Variants in CHI3L1 observed in about 807,000 individuals in gnomAD.
CHI3L1 encodes the protein chitinase 3 like 1.
CHI3L1 carries 30 observed loss-of-function variants against 40.7 expected under a neutral mutation model. The ratio of observed to expected loss-of-function variants is 0.74; its 90% confidence interval spans 0.55 to 1.00. CHI3L1 has a LOEUF of 1.00. Ranked by LOEUF, CHI3L1 falls within the 50% of genes least tolerant of loss-of-function variation. The probability of loss-of-function intolerance (pLI) is 0.00; values close to 1 mark genes in which losing one functional copy is unlikely to be tolerated. For synonymous variants in CHI3L1, 210 were observed against 192.1 expected (o/e 1.09, Z -0.77); for missense variants, 493 against 492.2 (o/e 1.00, Z -0.01).
intron 1 of CHI3L1, 103 bp downstream of exon 1, chr1:203,186,496 G>T: frequency 6.6e-7 from 1 of 1,524,652 alleles, no homozygotes; most frequent in Non-Finnish European, 9.0e-7. Context: ...CTCCCCCTCT[G>T]CCCACTCCCT....
Position 203,184,394 on chromosome 1 carries a change from G to A in CHI3L1, c.314+182C>T, listed in dbSNP as rs970050267. 2.6e-5 allele frequency among the ~76,000 whole-genome samples: 4 copies of A among 152,146 alleles called. 1 individual carries two copies. In the South Asian group the frequency reaches 6.2e-4, roughly 24 times the overall value. Reference sequence around the variant, plus strand: ...TGCTGTGTGACTCTTGGCAAGTCCTGCTCTCTCTCTGGGCTCTGCTTTCTT... The same window carrying A: ...TGCTGTGTGACTCTTGGCAAGTCCTACTCTCTCTCTGGGCTCTGCTTTCTT... On this transcript the variant is annotated intron_variant, in intron 4 of 9. Transcript: ENST00000255409.
At position 203,179,419 on chromosome 1, in the gene CHI3L1, C is replaced by A; in HGVS notation, c.*26G>T. 2.0e-6 allele frequency: 3 copies of A among 1,511,764 alleles called. No individual in the cohort carries two copies. In the African/African-American group the frequency reaches 4.2e-5, roughly 21 times the overall value. The allele number at this position is 1,511,764 out of a possible 1,614,324, so 93.6% of individuals were successfully genotyped here. ...CAGAGGGGGACGGGGCATCCTTGGC[C>A]CCCGTGCTGTGTGCAGAACAGAGGG... On this transcript the variant is annotated 3_prime_UTR_variant, in exon 10 of 10. Coordinates refer to ENST00000255409, the MANE Select transcript of CHI3L1 (RefSeq NM_001276.4).
Position 203,182,717 on chromosome 1 carries a change from G to A in CHI3L1, c.587+14C>T. ...CAGAGGTTCTGGGGAGGCTGCCTGG[G>A]GCAGGAGACTCACTGGGATATCTTG... is the stretch of plus-strand genomic sequence containing the variant. On this transcript the variant is annotated intron_variant, in intron 6 of 9. Coordinates refer to ENST00000255409, the MANE Select transcript of CHI3L1 (RefSeq NM_001276.4). 1.2e-6 allele frequency: 2 copies of A among 1,613,818 alleles called. No individual in the cohort carries two copies. The highest frequency in any genetic ancestry group is 1.3e-5 in the African/African-American group (1 of 75,036).
intron 2 of CHI3L1, among the ~76,000 whole-genome samples, chr1:203,185,988 C>T (rs1369964796): frequency 1.3e-5 from 2 of 152,150 alleles, no homozygotes. Context: ...TCTGTTTCTC[C>T]TGCTGCAAAC....
Position 203,180,602 on chromosome 1 carries a change from C to T in CHI3L1, c.762G>A (p.Leu254=). Residue 254 remains leucine (L), a synonymous_variant, in exon 8 of 10, where the codon CTG becomes CTA. Transcript: ENST00000255409. ...TCCCGAAGGTGGGGATGCCCATCAC[C>T]AGCTTACTGGCAGGAGCCCCCAGCC... ...MLRLGAPASK[L]VMGIPTFGRS... The T allele has an allele frequency of 6.2e-7, 1 of 1,612,736 alleles. No homozygotes were observed. The highest frequency in any genetic ancestry group is 8.5e-7 in the Non-Finnish European group (1 of 1,179,456).
At chr1:203,181,099 G>A (rs747313083) in intron 7 of CHI3L1, 63 bp downstream of exon 7, 123 of 1,592,768 alleles carry the variant, frequency 7.7e-5, no homozygotes, top group Middle Eastern at 6.9e-4. Context: ...ATTGGTGTGT[G>A]AGCACTGGCA....
chr1:203,183,951 C>A (rs185772376), intron 4 of CHI3L1, among the ~76,000 whole-genome samples, 160 bp from the exon 5 acceptor site: 6 of 152,302 alleles, frequency 3.9e-5, no homozygotes, highest in Non-Finnish European at 2.9e-5. Context: ...ATGCATGTGC[C>A]TTAGAGCCAG....
chr1:203,182,877 A>G, intron 5 of CHI3L1, 25 bp from the exon 6 acceptor site: 1 of 1,613,184 alleles, frequency 6.2e-7, no homozygotes, highest in Non-Finnish European at 8.5e-7. Context: ...GGCAGGTGAG[A>G]GAAAGGGTCC....
intron 6 of CHI3L1, chr1:203,181,995 C>G (rs1264551424): frequency 6.6e-6 from 1 of 152,350 alleles, no homozygotes; most frequent in African/African-American, 2.4e-5. Context: ...GGAGGTTTTG[C>G]ACACCCGCAC....
chr1:203,181,556 G>C, intron 6 of CHI3L1: 1 of 290,312 alleles, frequency 3.4e-6, no homozygotes, highest in Non-Finnish European at 6.6e-6. Flanking sequence ...AGGCGGCAGA[G>C]GTTGTGCCAC....
intron 3 of CHI3L1, among the ~76,000 whole-genome samples, 193 bp from the exon 4 acceptor site, chr1:203,184,825 A>G (rs1349700991): frequency 2.0e-5 from 3 of 152,190 alleles, no homozygotes; most frequent in African/African-American, 7.2e-5. Flanking sequence ...GAGGGGTCAC[A>G]GGCTTCATGG....
In CHI3L1 at chr1:203,179,746, C is replaced by G; in HGVS notation, c.1011+15G>C. Reference sequence around the variant, plus strand: ...CTTTCTCTTTGTCCTGAGGTGTGGCCTTGGGGAAACCTACCTTGCTTTTGA... The same window carrying G: ...CTTTCTCTTTGTCCTGAGGTGTGGCGTTGGGGAAACCTACCTTGCTTTTGA... On this transcript the variant is annotated intron_variant, in intron 9 of 9. Transcript: ENST00000255409. 1 of 1,614,176 alleles carries G rather than the reference C, an allele frequency of 6.2e-7. No individual in the cohort carries two copies. The highest frequency in any genetic ancestry group is 1.3e-5 in the African/African-American group (1 of 75,030).
intron 1 of CHI3L1, 67 bp downstream of exon 1, chr1:203,186,532 G>A (rs1656059460): frequency 6.3e-7 from 1 of 1,594,196 alleles, no homozygotes; most frequent in Admixed American, 1.7e-5. Context: ...CAGGCAGATG[G>A]CTCTGCGGGC....
At position 203,184,568 on chromosome 1, in the gene CHI3L1, G is replaced by T; in HGVS notation, c.314+8C>A. 1 of 1,612,444 alleles carries T rather than the reference G, an allele frequency of 6.2e-7. No homozygotes were observed. Among genetic ancestry groups the T allele is most frequent in the Non-Finnish European group, 8.5e-7 (1 of 1,178,508 alleles). ...TCTGCCGTCCTGCCCCTGGGGAGAG[G>T]CTCCTACCTTTGAGACCCAAAGTTC... On this transcript the variant is annotated splice_region_variant and intron_variant, in intron 4 of 9. Transcript: ENST00000255409.
chr1:203,185,400 T>C lies in CHI3L1; in HGVS notation c.56-15A>G. 6.2e-7 allele frequency: 1 copy of C among 1,612,908 alleles called. No homozygotes were observed. The highest frequency in any genetic ancestry group is 8.5e-7 in the Non-Finnish European group (1 of 1,179,490). On this transcript the variant is annotated splice_polypyrimidine_tract_variant and intron_variant, in intron 2 of 9. Transcript: ENST00000255409. ...GTATGCAGAGCCTGAAGGAGAAGTC[T>C]GGGATGGGGCCCGGGCCAGGATTCG...
chr1:203,186,173 T>G, intron 2 of CHI3L1, 143 bp downstream of exon 2: 1 of 835,428 alleles, frequency 1.2e-6, no homozygotes, highest in Non-Finnish European at 2.0e-6. Flanking sequence ...CACTCCAGTT[T>G]AGCAAACGTG....
chr1:203,181,449 C>G (rs1004960811), intron 6 of CHI3L1, 164 bp from the exon 7 acceptor site: 6 of 594,246 alleles, frequency 1.0e-5, no homozygotes, highest in Non-Finnish European at 1.1e-5. Context: ...GGTGAAACCC[C>G]GTCTCTACTC....
intron 5 of CHI3L1, 78 bp from the exon 6 acceptor site, chr1:203,182,930 T>C: frequency 6.7e-7 from 1 of 1,490,628 alleles, no homozygotes; most frequent in Non-Finnish European, 9.2e-7. Context: ...GGACTAGGTC[T>C]CTGCGCAACC....
Position 203,180,538 on chromosome 1 carries a change from C to G in CHI3L1, c.826G>C (p.Ala276Pro), listed in dbSNP as rs777493129. The change falls in exon 8 of 10, where the codon GCC (alanine) becomes CCC (proline). Residue 276 changes from alanine (A) to proline (P), a missense_variant. Coordinates refer to ENST00000255409, the MANE Select transcript of CHI3L1 (RefSeq NM_001276.4). ...TLASSETGVG[A>P]PISGPGIPGR... ...GGAATTCCCGGTCCTGAGATTGGGGCTCCAACACCAGTCTCAGAAGAAGCC... is the reference window on the plus strand; with the variant it reads ...GGAATTCCCGGTCCTGAGATTGGGGGTCCAACACCAGTCTCAGAAGAAGCC... The G allele has an allele frequency of 6.8e-6, 11 of 1,611,446 alleles. No individual in the cohort carries two copies. The highest frequency in any genetic ancestry group is 1.7e-6 in the Non-Finnish European group (2 of 1,179,144).
Sources: allele counts gnomAD v4.1 joint callset (sites outside exome capture counted in the v4.1 genomes callset), GRCh38; gene constraint gnomAD v4.1.1; transcripts MANE v1.5; gene names NCBI Gene and HGNC (gene_info 2026-07-23, HGNC 2026-07-21).